The following GTPBP8 variants were observed in gnomAD, a reference collection of about 807,000 sequenced individuals.
GTPBP8 encodes the protein GTP binding protein 8, also known as GTP-binding protein 8.
In GTPBP8, 21 loss-of-function variants were observed where a neutral mutation model predicts 27.3. The ratio of observed to expected loss-of-function variants is 0.77; its 90% CI spans 0.55 to 1.11. The LOEUF is 1.11. GTPBP8 is among the 50% of genes least tolerant of loss of function. The pLI, the probability that GTPBP8 is intolerant of heterozygous loss-of-function variation, is 0.00. For synonymous variants in GTPBP8, 147 were observed against 135.3 expected (o/e 1.09, Z -0.60); for missense variants, 380 against 350.8 (o/e 1.08, Z -0.67).
At chr3:113,000,324 C>T (rs1411042270) in intron 5 of GTPBP8, among the ~76,000 whole-genome samples, 1 of 152,150 alleles carries the variant, frequency 6.6e-6, no homozygotes, top group Non-Finnish European at 1.5e-5. Flanking sequence ...CAAGATCACG[C>T]CATTGCACTC....
chr3:112,991,470 A>G lies in GTPBP8; in HGVS notation c.336+135A>G, dbSNP rs186259225. 7 of 798,296 alleles carry G rather than the reference A, an allele frequency of 8.8e-6. No individual in the cohort carries two copies. The East Asian group carries it at 1.1e-4, about 12-fold the overall frequency. 49.5% of individuals were successfully genotyped at this position (798,296 alleles called of 1,614,324 possible). ...TTGGCGCATATATTATTTTAACTCA[A>G]TAGGCATATGTCGATGCTCCCTGTA... On this transcript the variant is annotated intron_variant, in intron 1 of 5. Transcript: ENST00000383678.
chr3:112,993,774 A>T (rs977524103), intron 2 of GTPBP8, among the ~76,000 whole-genome samples: 2 of 148,254 alleles, frequency 1.3e-5, no homozygotes, highest in East Asian at 3.9e-4. Context: ...CACCCCTTTC[A>T]TTGAGTTGGA....
At position 112,998,869 on chromosome 3, in the gene GTPBP8, A is replaced by G. The variant is rs114590317; in HGVS notation, c.667-577A>G. On this transcript the variant is annotated intron_variant, in intron 4 of 5. Transcript: ENST00000383678. ...TTAATTTTACAGAAACTCACCAGGAATATCTGGTGGATTAAGGTTTTATTT... is the reference window on the plus strand; with the variant it reads ...TTAATTTTACAGAAACTCACCAGGAGTATCTGGTGGATTAAGGTTTTATTT... Among the ~76,000 whole-genome samples the G allele has an allele frequency of 4.3e-3, 653 of 152,344 alleles. 8 individuals are homozygous for G. Among genetic ancestry groups the G allele is most frequent in the African/African-American group, 0.015 (620 of 41,562 alleles).
Position 112,992,000 on chromosome 3 carries a change from T to C in GTPBP8, c.336+665T>C, listed in dbSNP as rs1397023243. The C allele has an allele frequency of 3.9e-5, 7 of 179,130 alleles. No individual in the cohort carries two copies. In the Admixed American group the frequency reaches 4.1e-4, roughly 11 times the overall value. The allele number at this position is 179,130 out of a possible 1,614,324, so 11.1% of individuals were successfully genotyped here. A position where few individuals can be genotyped will look rare whatever the true frequency, so the allele number is the denominator to read the frequency against. On this transcript the variant is annotated intron_variant, in intron 1 of 5. Coordinates refer to ENST00000383678, the MANE Select transcript of GTPBP8 (RefSeq NM_014170.4). Reference sequence around the variant, plus strand: ...AGTCTGCTAAAAGGCATCTCAACTCTCCATATGTATTTACACTAAGTGCAC... The same window carrying C: ...AGTCTGCTAAAAGGCATCTCAACTCCCCATATGTATTTACACTAAGTGCAC...
chr3:112,998,056 C>A lies in GTPBP8; in HGVS notation c.666+1065C>A, dbSNP rs1176466214. Among the ~76,000 whole-genome samples, 3 of 152,280 alleles carry A rather than the reference C, an allele frequency of 2.0e-5. No homozygotes were observed. The East Asian group carries it at 5.8e-4, about 29-fold the overall frequency. ...CCCATTTGCGGAGGGGTTCACAAGT[C>A]ATTAGAAACCACACACTTTCTGCTT... On this transcript the variant is annotated intron_variant, in intron 4 of 5. Transcript: ENST00000383678.
Position 112,990,989 on chromosome 3 carries a change from G to T in GTPBP8, c.-11G>T, listed in dbSNP as rs914282430. ...AGTAAAATCTCTCTGCCCGTCTTCT[G>T]GGAAGGGAGAATGGCGGCGCCCGGG... On this transcript the variant is annotated 5_prime_UTR_variant, in exon 1 of 6. Transcript: ENST00000383678. 32 of 1,581,332 alleles carry T rather than the reference G, an allele frequency of 2.0e-5. No homozygotes were observed. Among genetic ancestry groups the T allele is most frequent in the Non-Finnish European group, 2.8e-5 (32 of 1,161,666 alleles).
chr3:113,000,835 CT>C lies in GTPBP8; in HGVS notation c.786-11del. On this transcript the variant is annotated splice_polypyrimidine_tract_variant and intron_variant, in intron 5 of 5. Coordinates refer to ENST00000383678, the MANE Select transcript of GTPBP8 (RefSeq NM_014170.4). ...TGAGGAAAGGAAGAAAATTATTTCT[CT>C]TTTCTTTTCACAGTGCTGTGACCTT... 6.6e-7 allele frequency: 1 copy of C among 1,514,986 alleles called. No individual in the cohort carries two copies. The allele number at this position is 1,514,986 out of a possible 1,614,324, so 93.8% of individuals were successfully genotyped here.
Position 113,000,981 on chromosome 3 carries a change from A to AC in GTPBP8, c.*62_*63insC. On this transcript the variant is annotated 3_prime_UTR_variant, in exon 6 of 6. Transcript: ENST00000383678. Reference sequence around the variant, plus strand: ...AAAAAGCTTTATGCTAACTGGAGTTAAATACCTAGAAGAATTTCAACATTG... The same window carrying AC: ...AAAAAGCTTTATGCTAACTGGAGTTACAATACCTAGAAGAATTTCAACATTG... 1.1e-6 allele frequency: 1 copy of AC among 878,114 alleles called. No individual in the cohort carries two copies. The highest frequency in any genetic ancestry group is 1.8e-6 in the Non-Finnish European group (1 of 541,230). The allele number at this position is 878,114 out of a possible 1,614,324, so 54.4% of individuals were successfully genotyped here. A position where few individuals can be genotyped will look rare whatever the true frequency, so the allele number is the denominator to read the frequency against.
intron 5 of GTPBP8, 74 bp from the exon 6 acceptor site, chr3:113,000,776 A>G: frequency 1.1e-6 from 1 of 900,670 alleles, no homozygotes; most frequent in Admixed American, 2.2e-5. Flanking sequence ...GAATTTGTAA[A>G]TTTTTTTAAG....
chr3:112,991,269 G>A lies in GTPBP8; in HGVS notation c.270G>A (p.Arg90=). The stretch of plus-strand genomic sequence containing the variant: ...ACAACATCTTCACGGCCACTGAACG[G>A]AACCGCATCGACTACGTCAGCTCCG... ...RADNIFTATE[R]NRIDYVSSAV... The change falls in exon 1 of 6, where the codon CGG becomes CGA. Residue 90 remains arginine (R), a synonymous_variant. Transcript: ENST00000383678. 1 of 1,613,872 alleles carries A rather than the reference G, an allele frequency of 6.2e-7. No homozygotes were observed. Among genetic ancestry groups the A allele is most frequent in the Non-Finnish European group, 8.5e-7 (1 of 1,180,034 alleles).
At chr3:112,998,259 A>C (rs1228734178) in intron 4 of GTPBP8, among the ~76,000 whole-genome samples, 1 of 152,214 alleles carries the variant, frequency 6.6e-6, no homozygotes, top group African/African-American at 2.4e-5. Flanking sequence ...ACCCGGCTTC[A>C]GACACTAGTC....
chr3:112,999,976 A>ACT (rs1559712032), intron 5 of GTPBP8, among the ~76,000 whole-genome samples: 1 of 152,214 alleles, frequency 6.6e-6, no homozygotes, highest in Admixed American at 6.5e-5. Context: ...GAGTAGTATT[A>ACT]CATGGTACAT....
At chr3:112,994,770 A>C (rs1277258888) in intron 2 of GTPBP8, among the ~76,000 whole-genome samples, 1 of 152,214 alleles carries the variant, frequency 6.6e-6, no homozygotes, top group Non-Finnish European at 1.5e-5. Flanking sequence ...GTGGAGATAC[A>C]TTGTTCATCA....
intron 4 of GTPBP8, among the ~76,000 whole-genome samples, chr3:112,999,233 A>G (rs1933844591): frequency 6.6e-6 from 1 of 152,230 alleles, no homozygotes; most frequent in Non-Finnish European, 1.5e-5. Context: ...CAGCAGACAT[A>G]CAGTGTATAC....
chr3:112,999,624 GTTTTT>G (rs557348814), intron 5 of GTPBP8, 60 bp downstream of exon 5: 12 of 645,844 alleles, frequency 1.9e-5, no homozygotes, highest in Non-Finnish European at 3.2e-5. Context: ...AATGTTGTGG[GTTTTT>G]TTTTTATTTC....
chr3:112,999,643 A>G, intron 5 of GTPBP8, 79 bp downstream of exon 5: 1 of 658,450 alleles, frequency 1.5e-6, no homozygotes, highest in Non-Finnish European at 2.7e-6. Context: ...TTATTTCGAT[A>G]GTTTTTGGGG....
At chr3:112,994,892 T>A (rs181559444) in intron 2 of GTPBP8, among the ~76,000 whole-genome samples, 1 of 152,118 alleles carries the variant, frequency 6.6e-6, no homozygotes, top group East Asian at 1.9e-4. Context: ...TAATATGGAA[T>A]CTAAAGTTCT....
Position 113,000,881 on chromosome 3 carries a change from A to C in GTPBP8, c.817A>C (p.Arg273=), listed in dbSNP as rs750195995. The C allele has an allele frequency of 1.2e-6, 2 of 1,601,694 alleles. No individual in the cohort carries two copies. The highest frequency in any genetic ancestry group is 1.7e-6 in the Non-Finnish European group (2 of 1,170,230). The part of the protein sequence containing the change: ...AVTFSGIHLL[R]CFIASVTGSL... Reference sequence around the variant, plus strand: ...GACCTTTTCTGGAATCCACCTGTTGAGATGCTTTATAGCCAGTGTAACAGG... The same window carrying C: ...GACCTTTTCTGGAATCCACCTGTTGCGATGCTTTATAGCCAGTGTAACAGG... The change falls in exon 6 of 6, where the codon AGA becomes CGA. Residue 273 remains arginine (R), a synonymous_variant. Transcript: ENST00000383678.
At chr3:112,996,755 C>A in intron 3 of GTPBP8, 137 bp from the exon 4 acceptor site, 1 of 610,426 alleles carries the variant, frequency 1.6e-6, no homozygotes, top group East Asian at 2.9e-5. Flanking sequence ...ATTGAGAATT[C>A]CTGTTGCCTA....
Sources: gnomAD v4.1 joint callset for allele counts (sites outside exome capture counted in the v4.1 genomes callset) on GRCh38, gnomAD v4.1.1 for gene constraint, MANE v1.5 for transcripts, NCBI Gene and HGNC (gene_info 2026-07-23, HGNC 2026-07-21) for gene names.